Variants in NAV1 observed in about 807,000 individuals in gnomAD.
The protein encoded by NAV1 is pore membrane and/or filament interacting like protein 3.
Under a neutral mutation model 175.2 loss-of-function variants are expected in NAV1, and 18 were observed. The ratio of observed to expected loss-of-function variants is 0.10; its 90% CI spans 0.07 to 0.15. The LOEUF is 0.15. NAV1 is among the 10% of genes least tolerant of loss of function. NAV1 has a pLI of 1.00. For synonymous variants in NAV1, 897 were observed against 978.7 expected (o/e 0.92, Z 1.56); for missense variants, 1,731 against 2,436.6 (o/e 0.71, Z 6.10).
intron 2 of NAV1, among the ~76,000 whole-genome samples, chr1:201,641,370 G>T (rs1032456039): frequency 4.6e-5 from 7 of 152,134 alleles, no homozygotes; most frequent in African/African-American, 1.7e-4. Flanking sequence ...TCCCCAAATA[G>T]CAGCCAAAGT....
chr1:201,803,058 T>C (rs1678043728), intron 15 of NAV1, among the ~76,000 whole-genome samples: 1 of 152,208 alleles, frequency 6.6e-6, no homozygotes, highest in Non-Finnish European at 1.5e-5. Flanking sequence ...CTTCCTCCCC[T>C]GTTGTAGAAA....
chr1:201,773,412 CCA>C (rs909608738), intron 3 of NAV1, among the ~76,000 whole-genome samples: 38 of 152,242 alleles, frequency 2.5e-4, no homozygotes, highest in African/African-American at 8.2e-4. Flanking sequence ...TTGCTAAGTG[CCA>C]CACTTTTGGG....
At chr1:201,708,707 T>C (rs1484901832) in intron 1 of NAV1, among the ~76,000 whole-genome samples, 1 of 152,114 alleles carries the variant, frequency 6.6e-6, no homozygotes, top group Non-Finnish European at 1.5e-5. Context: ...TTAGGGGTAT[T>C]GAGGAAGGGG....
intron 2 of NAV1, among the ~76,000 whole-genome samples, chr1:201,616,705 T>C (rs1668012086): frequency 6.6e-6 from 1 of 152,200 alleles, no homozygotes; most frequent in African/African-American, 2.4e-5. Flanking sequence ...CAGGCTGGTC[T>C]CGAACTCCTG....
chr1:201,609,041 C>T (rs1021349696), intron 2 of NAV1, among the ~76,000 whole-genome samples: 11 of 152,192 alleles, frequency 7.2e-5, no homozygotes, highest in South Asian at 4.1e-4. Context: ...TTGCTTGCCC[C>T]GCTTTTCAGA....
chr1:201,710,381 G>A (rs1671855737), intron 1 of NAV1, among the ~76,000 whole-genome samples: 2 of 151,550 alleles, frequency 1.3e-5, no homozygotes, highest in Non-Finnish European at 2.9e-5. Context: ...TGAACTCTTG[G>A]GCTCAAGTGA....
intron 2 of NAV1, among the ~76,000 whole-genome samples, chr1:201,595,852 G>A (rs1360482723): frequency 6.6e-6 from 1 of 152,228 alleles, no homozygotes; most frequent in Non-Finnish European, 1.5e-5. Context: ...CTTCCACCAA[G>A]CCATGTCCTT....
At position 201,694,031 on chromosome 1, in the gene NAV1, C is replaced by A. The variant is rs1012883799; in HGVS notation, c.758-18786C>A. Among the ~76,000 whole-genome samples the A allele has an allele frequency of 6.6e-6, 1 of 152,292 alleles. No individual in the cohort carries two copies. On this transcript the variant is annotated intron_variant, in intron 1 of 29. Coordinates refer to ENST00000367296, the Ensembl canonical transcript of NAV1. This position sits in a 1 kb window ranked among gnomAD's most constrained non-coding sequence, Gnocchi z 4.2. ...CAAAATTCTGTCTCCACAGTGTGTC[C>A]CCCAGTTTGGCTTCCTGGTGGGGGA...
chr1:201,733,106 C>T (rs1571913371), intron 3 of NAV1, among the ~76,000 whole-genome samples: 1 of 145,512 alleles, frequency 6.9e-6, no homozygotes, highest in Non-Finnish European at 1.5e-5. Context: ...CAGGGCCAGG[C>T]ATGGTGGCTT....
intron 3 of NAV1, among the ~76,000 whole-genome samples, chr1:201,741,207 C>T (rs1413998315): frequency 6.6e-6 from 1 of 152,202 alleles, no homozygotes; most frequent in Non-Finnish European, 1.5e-5. Context: ...AAACGAGAGG[C>T]ATCTTCTGCC....
chr1:201,593,089 C>T (rs959231179), intron 2 of NAV1, among the ~76,000 whole-genome samples: 5 of 152,222 alleles, frequency 3.3e-5, no homozygotes, highest in African/African-American at 1.2e-4. Context: ...GTTGCCCCAT[C>T]TGGCAGGTGG....
chr1:201,719,299 C>T (rs1391271481), intron 3 of NAV1, among the ~76,000 whole-genome samples: 9 of 152,040 alleles, frequency 5.9e-5, no homozygotes, highest in Admixed American at 5.9e-4. Context: ...TTCGTAACCC[C>T]TCAGTTCCCT....
At chr1:201,696,532 G>A (rs1671197645) in intron 1 of NAV1, among the ~76,000 whole-genome samples, 1 of 152,238 alleles carries the variant, frequency 6.6e-6, no homozygotes, top group Non-Finnish European at 1.5e-5. Context: ...CCGATGTCTT[G>A]GAGGTGGAGA....
intron 1 of NAV1, among the ~76,000 whole-genome samples, chr1:201,571,945 G>T (rs1270638185): frequency 6.6e-6 from 1 of 152,016 alleles, no homozygotes; most frequent in African/African-American, 2.4e-5. Context: ...TAGCGGAAAG[G>T]GGAATACCTA....
intron 2 of NAV1, among the ~76,000 whole-genome samples, chr1:201,596,402 G>T (rs1170559816): frequency 6.6e-6 from 1 of 152,214 alleles, no homozygotes; most frequent in Non-Finnish European, 1.5e-5. Context: ...GTTAGCCCAG[G>T]GTTTTGGATG....
chr1:201,573,970 C>A (rs573125966), intron 1 of NAV1, among the ~76,000 whole-genome samples: 1 of 151,746 alleles, frequency 6.6e-6, no homozygotes, highest in Non-Finnish European at 1.5e-5. Flanking sequence ...GTGGGAGGAT[C>A]GCTTGAGCCC....
chr1:201,709,561 A>G (rs1414512922), intron 1 of NAV1, among the ~76,000 whole-genome samples: 1 of 152,074 alleles, frequency 6.6e-6, no homozygotes, highest in Non-Finnish European at 1.5e-5. Context: ...TCACCTAGCA[A>G]TGTGGAGGAA....
At chr1:201,594,884 T>C (rs1023117217) in intron 2 of NAV1, among the ~76,000 whole-genome samples, 2 of 152,182 alleles carry the variant, frequency 1.3e-5, no homozygotes, top group Non-Finnish European at 2.9e-5. Flanking sequence ...GGGTCAGGCC[T>C]GAGAAAGGGA....
chr1:201,674,471 C>G (rs1156569978), intron 1 of NAV1, among the ~76,000 whole-genome samples: 1 of 152,010 alleles, frequency 6.6e-6, no homozygotes, highest in Non-Finnish European at 1.5e-5. Flanking sequence ...TGGAGGCCCT[C>G]CAGCAAAACA....
Sources: gnomAD v4.1 joint callset for allele counts (sites outside exome capture counted in the v4.1 genomes callset) on GRCh38, gnomAD v4.1.1 for gene constraint, Gnocchi (gnomAD v3.1) non-coding constraint, MANE v1.5 for transcripts, NCBI Gene and HGNC (gene_info 2026-07-23, HGNC 2026-07-21) for gene names.